CACNA1E: variants seen among roughly 807,000 people sequenced by gnomAD.
The protein encoded by CACNA1E is voltage-dependent R-type calcium channel subunit alpha-1E.
Under a neutral mutation model 259.2 loss-of-function variants are expected in CACNA1E, and 40 were observed. The ratio of observed to expected loss-of-function variants is 0.15; its 90% CI spans 0.12 to 0.20. The LOEUF is 0.20. Among genes scored for constraint, CACNA1E ranks in the 10% least tolerant of loss-of-function variants. CACNA1E has a pLI of 1.00. For synonymous variants in CACNA1E, 1,104 were observed against 1,138.5 expected, an observed-to-expected ratio of 0.97 and a Z score of 0.61; for missense variants, 1,874 against 3,040.1, an observed-to-expected ratio of 0.62 and a Z score of 9.02.
upstream of CACNA1E, among the ~76,000 whole-genome samples, chr1:181,482,088 A>G (rs1295835129): frequency 2.0e-5 from 3 of 152,180 alleles, no homozygotes; most frequent in African/African-American, 4.8e-5. Context: ...TGGAACCCCC[A>G]GAGGTCCTAG....
chr1:181,757,812 C>A, intron 30 of CACNA1E, 135 bp from the exon 31 acceptor site: 1 of 877,044 alleles, frequency 1.1e-6, no homozygotes, highest in Non-Finnish European at 1.8e-6. Context: ...CCAAGTGACC[C>A]CAGTTGCCAT....
At chr1:181,711,686 T>G (rs573587673) in intron 8 of CACNA1E, among the ~76,000 whole-genome samples, 20 of 151,828 alleles carry the variant, frequency 1.3e-4, no homozygotes, top group African/African-American at 2.4e-5. Flanking sequence ...CTTGAAGAAA[T>G]GAAGGAGTGA....
chr1:181,793,582 G>T, intron 44 of CACNA1E, 83 bp from the exon 45 acceptor site: 1 of 1,457,684 alleles, frequency 6.9e-7, no homozygotes, highest in Non-Finnish European at 9.3e-7. Context: ...AGCCATTCTT[G>T]AGGAGGCTGA....
intron 1 of CACNA1E, among the ~76,000 whole-genome samples, chr1:181,352,216 G>A (rs1173728474): frequency 6.6e-6 from 1 of 152,206 alleles, no homozygotes; most frequent in Non-Finnish European, 1.5e-5. Flanking sequence ...TGGGGTGGCA[G>A]AAGCCCTGGG....
In CACNA1E at chr1:181,486,241, G is replaced by T. The variant is rs60249669; in HGVS notation, c.266+2231G>T. Among the ~76,000 whole-genome samples, 271 of 152,288 alleles carry T rather than the reference G, an allele frequency of 1.8e-3. 2 individuals are homozygous for T. The highest frequency in any genetic ancestry group is 6.3e-3 in the African/African-American group (261 of 41,562). On this transcript the variant is annotated intron_variant, in intron 1 of 47. Coordinates refer to ENST00000367573, the MANE Select transcript of CACNA1E (RefSeq NM_001205293.3). ...GCATCATGCTCAGTGCCTTGGCCCCGAGCCCTGTCCCAATGGTCTCTTTTG... is the reference window on the plus strand; with the variant it reads ...GCATCATGCTCAGTGCCTTGGCCCCTAGCCCTGTCCCAATGGTCTCTTTTG...
At chr1:181,755,208 C>G (rs1558349847) in intron 27 of CACNA1E, 29 bp from the exon 28 acceptor site, 1 of 1,598,886 alleles carries the variant, frequency 6.3e-7, no homozygotes, top group Non-Finnish European at 8.5e-7. Flanking sequence ...ACAGGGTTCA[C>G]ACAGCAGGGC....
chr1:181,475,597 A>G (rs1035542184), intron 2 of CACNA1E, among the ~76,000 whole-genome samples: 1 of 152,226 alleles, frequency 6.6e-6, no homozygotes, highest in Non-Finnish European at 1.5e-5. Context: ...TGTACCTCAT[A>G]CTATGGTACG....
At chr1:181,713,030 C>G (rs572380486) in intron 8 of CACNA1E, among the ~76,000 whole-genome samples, 9 of 152,330 alleles carry the variant, frequency 5.9e-5, no homozygotes, top group South Asian at 2.1e-4. Flanking sequence ...TGGCCCTTCC[C>G]TTTACAAATG....
At chr1:181,338,093 T>C (rs1479364808) in intron 1 of CACNA1E, among the ~76,000 whole-genome samples, 3 of 152,230 alleles carry the variant, frequency 2.0e-5, no homozygotes, top group Non-Finnish European at 4.4e-5. Flanking sequence ...CTTTTTTTTG[T>C]TTGTTTTTGT....
chr1:181,682,295 T>C lies in CACNA1E; in HGVS notation c.1056-28659T>C, dbSNP rs536087363. Among the ~76,000 whole-genome samples the C allele has an allele frequency of 2.6e-5, 4 of 152,332 alleles. No homozygotes were observed. In the East Asian group the frequency reaches 5.8e-4, roughly 22 times the overall value. On this transcript the variant is annotated intron_variant, in intron 7 of 47. Coordinates refer to ENST00000367573, the MANE Select transcript of CACNA1E (RefSeq NM_001205293.3). ...AAGAGGATGGGATACACAATACTTT[T>C]AAGTACATTTAGGACTTGATGATAA...
chr1:181,796,987 C>A (rs748756004), intron 47 of CACNA1E, 129 bp downstream of exon 47: 4 of 633,386 alleles, frequency 6.3e-6, no homozygotes, highest in Non-Finnish European at 1.1e-5. Flanking sequence ...TCACAGGAAG[C>A]TATACCTATA....
At chr1:181,337,303 C>T (rs2102619360) in intron 1 of CACNA1E, among the ~76,000 whole-genome samples, 1 of 150,636 alleles carries the variant, frequency 6.6e-6, no homozygotes, top group East Asian at 1.9e-4. Context: ...CTACAGGCGC[C>T]CGCCACCACG....
chr1:181,432,018 G>C (rs917487507), intron 2 of CACNA1E, among the ~76,000 whole-genome samples: 18 of 152,144 alleles, frequency 1.2e-4, no homozygotes, highest in Admixed American at 6.5e-5. Flanking sequence ...ATCGCCGATC[G>C]ACCAAGTGGC....
At chr1:181,553,538 T>C (rs1200346288) in intron 3 of CACNA1E, among the ~76,000 whole-genome samples, 2 of 152,206 alleles carry the variant, frequency 1.3e-5, no homozygotes, top group African/African-American at 4.8e-5. Flanking sequence ...TCCAATACTA[T>C]GTTGAATAGG....
chr1:181,420,194 G>C (rs1658620485), intron 2 of CACNA1E, among the ~76,000 whole-genome samples: 1 of 152,056 alleles, frequency 6.6e-6, no homozygotes, highest in South Asian at 2.1e-4. Flanking sequence ...TAGTGAAACA[G>C]ACTAGAAACC....
chr1:181,556,967 G>A (rs967604406), intron 3 of CACNA1E, among the ~76,000 whole-genome samples: 1 of 152,300 alleles, frequency 6.6e-6, no homozygotes, highest in Non-Finnish European at 1.5e-5. Context: ...TTTCAGAGAA[G>A]GTGTGAGATC....
chr1:181,693,902 A>G (rs930427437), intron 7 of CACNA1E, among the ~76,000 whole-genome samples: 2 of 152,222 alleles, frequency 1.3e-5, no homozygotes, highest in Non-Finnish European at 2.9e-5. Flanking sequence ...CCACAAAGAA[A>G]ACTGTAGGCC....
At chr1:181,511,842 G>A (rs1666199759) in intron 3 of CACNA1E, among the ~76,000 whole-genome samples, 1 of 152,214 alleles carries the variant, frequency 6.6e-6, no homozygotes, top group African/African-American at 2.4e-5. Flanking sequence ...TTCCCAATGA[G>A]CCTTTTCACC....
At chr1:181,738,285 C>G in intron 23 of CACNA1E, 82 bp from the exon 24 acceptor site, 1 of 1,097,622 alleles carries the variant, frequency 9.1e-7, no homozygotes, top group Non-Finnish European at 1.4e-6. Context: ...TGCACGAGTG[C>G]ATGTGTCCTG....
Sources: allele counts gnomAD v4.1 joint callset (sites outside exome capture counted in the v4.1 genomes callset), GRCh38; gene constraint gnomAD v4.1.1; transcripts MANE v1.5; gene names NCBI Gene and HGNC (gene_info 2026-07-23, HGNC 2026-07-21).